Variants in MCPH1 observed in about 807,000 individuals in gnomAD.
MCPH1 encodes microcephalin.
Under a neutral mutation model 84.5 loss-of-function variants are expected in MCPH1, and 104 were observed. The observed-to-expected ratio is 1.23, with a 90% CI of 1.05 to 1.45. The LOEUF (loss-of-function observed/expected upper bound fraction) is 1.45, where lower values mean the gene tolerates loss of function less well. MCPH1 is among the 40% of genes most tolerant of loss of function. MCPH1 has a pLI of 0.00. For missense variants in MCPH1, 1,498 were observed against 1,005.7 expected, an observed-to-expected ratio of 1.49 and a Z score of -6.62; for synonymous variants, 514 against 366.8, an observed-to-expected ratio of 1.40 and a Z score of -4.58.
chr8:6,469,234 CATCTTTAG>C (rs72344298), intron 9 of MCPH1, among the ~76,000 whole-genome samples: 2,194 of 152,178 alleles, frequency 0.014, 56 homozygotes, highest in African/African-American at 0.051. Flanking sequence ...ACACTGAACC[CATCTTTAG>C]ATCATAGCAT....
chr8:6,509,658 A>T (rs1459787877), intron 12 of MCPH1, among the ~76,000 whole-genome samples: 1 of 152,236 alleles, frequency 6.6e-6, no homozygotes, highest in Non-Finnish European at 1.5e-5. Flanking sequence ...CACTATTTAC[A>T]ATACAGACGA....
intron 13 of MCPH1, among the ~76,000 whole-genome samples, chr8:6,623,425 A>G (rs1339140876): frequency 6.6e-6 from 1 of 150,450 alleles, no homozygotes. Flanking sequence ...CATGTTTCCT[A>G]TTCAGTCTCC....
chr8:6,554,862 T>C (rs1824313575), intron 12 of MCPH1, among the ~76,000 whole-genome samples: 1 of 152,176 alleles, frequency 6.6e-6, no homozygotes, highest in South Asian at 2.1e-4. Context: ...AGTCCAGTTC[T>C]CAGGAGTTTT....
chr8:6,412,283 G>A (rs1025575343), intron 2 of MCPH1, among the ~76,000 whole-genome samples: 13 of 152,196 alleles, frequency 8.5e-5, no homozygotes, highest in Non-Finnish European at 1.9e-4. Flanking sequence ...TTGGGATGAG[G>A]AGGAACTACT....
At chr8:6,487,183 G>A (rs1810038137) in intron 11 of MCPH1, among the ~76,000 whole-genome samples, 1 of 152,150 alleles carries the variant, frequency 6.6e-6, no homozygotes, top group African/African-American at 2.4e-5. Context: ...AGCTAAATCA[G>A]CTTTACAACA....
intron 12 of MCPH1, among the ~76,000 whole-genome samples, chr8:6,531,686 C>T (rs1246233545): frequency 6.6e-6 from 1 of 152,164 alleles, no homozygotes; most frequent in Admixed American, 6.5e-5. Flanking sequence ...ACTTGTCTGG[C>T]CCAACCCTTT....
In MCPH1 at chr8:6,473,952, T is replaced by C. The variant is rs988708385; in HGVS notation, c.1936-3642T>C. The C allele has an allele frequency of 5.9e-6, 8 of 1,346,322 alleles. 1 individual carries two copies. The African/African-American group carries it at 1.2e-4, about 20-fold the overall frequency. 83.4% of individuals were successfully genotyped at this position (1,346,322 alleles called of 1,614,324 possible). Reference sequence around the variant, plus strand: ...GGCAGCCGATGCACAACTTCTTCCTTGTAGGATGCCGTGGCTTCTTCATAA... The same window carrying C: ...GGCAGCCGATGCACAACTTCTTCCTCGTAGGATGCCGTGGCTTCTTCATAA... On this transcript the variant is annotated intron_variant, in intron 9 of 13. Coordinates refer to ENST00000344683, the MANE Select transcript of MCPH1 (RefSeq NM_024596.5).
chr8:6,580,469 A>G (rs919482387), intron 12 of MCPH1, among the ~76,000 whole-genome samples: 1 of 152,180 alleles, frequency 6.6e-6, no homozygotes, highest in African/African-American at 2.4e-5. Context: ...AGCCTGGCCA[A>G]CATAGTGAAA....
At chr8:6,457,057 A>G (rs1360233016) in intron 9 of MCPH1, among the ~76,000 whole-genome samples, 1 of 152,260 alleles carries the variant, frequency 6.6e-6, no homozygotes, top group Non-Finnish European at 1.5e-5. Context: ...ATGAGTGGTC[A>G]GAGAGGGAGA....
intron 12 of MCPH1, among the ~76,000 whole-genome samples, chr8:6,516,615 C>CT (rs1816321977): frequency 6.6e-6 from 1 of 152,168 alleles, no homozygotes; most frequent in African/African-American, 2.4e-5. Context: ...ATCAATATTT[C>CT]TTTTTAAAAA....
At chr8:6,419,629 C>T (rs577901220) in intron 3 of MCPH1, among the ~76,000 whole-genome samples, 2 of 151,200 alleles carry the variant, frequency 1.3e-5, no homozygotes, top group African/African-American at 2.4e-5. Context: ...GTCTTGATCT[C>T]CTGACCTTGT....
intron 12 of MCPH1, chr8:6,562,498 C>CATTTGAG (rs1230186546): frequency 1.6e-6 from 1 of 632,458 alleles, no homozygotes; most frequent in Admixed American, 3.5e-5. Flanking sequence ...AATTATCTTT[C>CATTTGAG]ATTTGAGGGT....
chr8:6,432,314 C>A (rs1801957998), intron 4 of MCPH1, among the ~76,000 whole-genome samples: 1 of 152,174 alleles, frequency 6.6e-6, no homozygotes, highest in South Asian at 2.1e-4. Flanking sequence ...ATACCTAATA[C>A]AATGTGAATG....
rs917091435 is a variant in MCPH1, at chr8:6,409,307, A to G, written c.51A>G (p.Ser17=). ...TAGTGGCCTATGTTGAAGTGTGGTC[A>G]TCCAATGGAACAGAAAATTATTCAA... ...KDVVAYVEVW[S]SNGTENYSKT... is the part of the protein sequence containing the mutation. Residue 17 remains serine, a synonymous_variant, in exon 2 of 14, where the codon TCA becomes TCG. Coordinates refer to ENST00000344683, the MANE Select transcript of MCPH1 (RefSeq NM_024596.5). 3 of 1,614,126 alleles carry G rather than the reference A, an allele frequency of 1.9e-6. No homozygotes were observed. The highest frequency in any genetic ancestry group is 2.5e-6 in the Non-Finnish European group (3 of 1,179,940).
chr8:6,460,863 A>G (rs1174354910), intron 9 of MCPH1, among the ~76,000 whole-genome samples: 1 of 152,072 alleles, frequency 6.6e-6, no homozygotes, highest in Admixed American at 6.5e-5. Flanking sequence ...ACGTCTGCAA[A>G]TAGCTGGGGC....
chr8:6,643,008 C>T lies in MCPH1; in HGVS notation c.2467C>T (p.His823Tyr), dbSNP rs781210833. The stretch of plus-strand genomic sequence containing the variant: ...TCTCTCTCTAGATTCCATCACCCAG[C>T]ACAAGGTCTGTGCCCCTGAAAACTA... ...EKWVLDSITQHKVCAPENYLL... is the reference protein window; with the variant it reads ...EKWVLDSITQYKVCAPENYLL... Residue 823 changes from histidine (H) to tyrosine (Y), a missense_variant, in exon 14 of 14, where the codon CAC (histidine) becomes TAC (tyrosine). By Grantham distance (83) the His-to-Tyr change is moderately conservative (BLOSUM62 2). Transcript: ENST00000344683. 4 of 1,614,100 alleles carry T rather than the reference C, an allele frequency of 2.5e-6. No homozygotes were observed. In the South Asian group the frequency reaches 4.4e-5, roughly 18 times the overall value.
At chr8:6,628,494 A>AC (rs1796923015) in intron 13 of MCPH1, among the ~76,000 whole-genome samples, 6 of 145,640 alleles carry the variant, frequency 4.1e-5, no homozygotes, top group East Asian at 3.9e-4. Context: ...AAAAAAAAAA[A>AC]CATTAAAAGC....
chr8:6,421,352 G>C (rs920563525), intron 3 of MCPH1, among the ~76,000 whole-genome samples: 3 of 152,104 alleles, frequency 2.0e-5, no homozygotes, highest in African/African-American at 7.2e-5. Flanking sequence ...GGGTGGTAGA[G>C]GCCTCTCCTG....
intron 12 of MCPH1, among the ~76,000 whole-genome samples, chr8:6,554,759 G>A (rs545394848): frequency 5.9e-5 from 9 of 152,274 alleles, no homozygotes; most frequent in African/African-American, 2.2e-4. Flanking sequence ...CTCGGAGGGA[G>A]CGGGAGAGTC....
Sources: allele counts gnomAD v4.1 joint callset (sites outside exome capture counted in the v4.1 genomes callset), GRCh38; gene constraint gnomAD v4.1.1; transcripts MANE v1.5; gene names NCBI Gene and HGNC (gene_info 2026-07-23, HGNC 2026-07-21).